PTBP3: variants seen among roughly 807,000 people sequenced by gnomAD.
The protein encoded by PTBP3 is polypyrimidine tract-binding protein 3.
PTBP3 carries 20 observed loss-of-function variants against 58.7 expected under a neutral mutation model. The observed-to-expected ratio is 0.34, with a 90% confidence interval of 0.24 to 0.50. PTBP3 has a LOEUF of 0.50. PTBP3 is among the 20% of genes least tolerant of loss of function. PTBP3 has a pLI of 0.98. For synonymous variants in PTBP3, 185 were observed against 219.8 expected (o/e 0.84, Z 1.40); for missense variants, 509 against 637.2 (o/e 0.80, Z 2.17).
At chr9:112,352,521 A>C in the PTBP3 span, among the ~76,000 whole-genome samples, 1 of 152,224 alleles carries the variant, frequency 6.6e-6, no homozygotes, top group Non-Finnish European at 1.5e-5. Context: ...AATGCAAGAT[A>C]CATCTTCTCT....
intron 1 of PTBP3, among the ~76,000 whole-genome samples, chr9:112,320,314 A>ATATATATATATTTTTTTTTT: frequency 1.3e-5 from 1 of 75,728 alleles, no homozygotes; most frequent in Non-Finnish European, 2.3e-5. Context: ...ATATATATAT[A>ATATATATATATTTTTTTTTT]TTTTTTTTTA....
chr9:112,290,699 TATATATATACAC>T lies in PTBP3; in HGVS notation c.34+7121_34+7132del, dbSNP rs1828368707. On this transcript the variant is annotated intron_variant, in intron 2 of 13. Transcript: ENST00000374257. ...AAAAAAAAAAAAAAATATATATATA[TATATATATACAC>T]ACACACACACACACACACACACACA... Among the ~76,000 whole-genome samples the T allele has an allele frequency of 4.6e-5, 3 of 64,600 alleles. No individual in the cohort carries two copies. The Admixed American group carries it at 5.0e-4, about 11-fold the overall frequency. The allele number at this position is 64,600 out of a possible 152,430, so 42.4% of individuals were successfully genotyped here. A position where few individuals can be genotyped will look rare whatever the true frequency, so the allele number is the denominator to read the frequency against.
Position 112,223,466 on chromosome 9 carries a change from G to C in PTBP3, c.*385C>G. 1.1e-6 allele frequency: 1 copy of C among 914,804 alleles called. No individual in the cohort carries two copies. Among genetic ancestry groups the C allele is most frequent in the South Asian group, 4.8e-5 (1 of 20,794 alleles). 56.7% of individuals were successfully genotyped at this position (914,804 alleles called of 1,614,324 possible). A position where few individuals can be genotyped will look rare whatever the true frequency, so the allele number is the denominator to read the frequency against. ...TTACATCAAGTAATTTTAGAAGTCTGTGTTTAAATTTTTTAAAAGTACAAA... is the reference window on the plus strand; with the variant it reads ...TTACATCAAGTAATTTTAGAAGTCTCTGTTTAAATTTTTTAAAAGTACAAA... On this transcript the variant is annotated 3_prime_UTR_variant, in exon 14 of 14. Coordinates refer to ENST00000374257, the MANE Select transcript of PTBP3 (RefSeq NM_001163788.4).
intron 1 of PTBP3, among the ~76,000 whole-genome samples, chr9:112,331,081 GAACA>G (rs1830349859): frequency 1.5e-5 from 1 of 67,830 alleles, no homozygotes; most frequent in African/African-American, 5.0e-5. Context: ...AGGAGGAAAC[GAACA>G]CACACACACA....
intron 2 of PTBP3, among the ~76,000 whole-genome samples, chr9:112,291,111 A>G (rs2132282913): frequency 1.3e-5 from 2 of 152,172 alleles, no homozygotes; most frequent in Middle Eastern, 3.4e-3. Flanking sequence ...AGTCCCAGCT[A>G]CTTGGGAGGC....
intron 9 of PTBP3, 98 bp downstream of exon 9, chr9:112,232,001 G>GA (rs1564391718): frequency 9.2e-6 from 4 of 433,642 alleles, no homozygotes; most frequent in South Asian, 4.8e-5. Context: ...GAAGAGAAGA[G>GA]AAGAGAAGAG....
rs777854332 is a variant in PTBP3, at chr9:112,234,914, G to C, written c.803-17C>G. ...CCGGTGCACCTAATGGGAAAGAGAA[G>C]CTAAAGTAAACACACTACCTTCTAT... On this transcript the variant is annotated splice_polypyrimidine_tract_variant and intron_variant, in intron 7 of 13. Coordinates refer to ENST00000374257, the MANE Select transcript of PTBP3 (RefSeq NM_001163788.4). 6.3e-7 allele frequency: 1 copy of C among 1,594,470 alleles called. No individual in the cohort carries two copies. The highest frequency in any genetic ancestry group is 8.6e-7 in the Non-Finnish European group (1 of 1,164,066).
chr9:112,244,486 T>C (rs1835799915), intron 7 of PTBP3, among the ~76,000 whole-genome samples: 1 of 151,216 alleles, frequency 6.6e-6, no homozygotes, highest in African/African-American at 2.4e-5. Context: ...CCAATCTAGG[T>C]AATACAGAGG....
At chr9:112,267,469 C>CT (rs1225798235) in intron 4 of PTBP3, among the ~76,000 whole-genome samples, 1 of 152,144 alleles carries the variant, frequency 6.6e-6, no homozygotes, top group African/African-American at 2.4e-5. Context: ...AATGTATTTA[C>CT]TTTGTGTATA....
At chr9:112,301,604 T>C (rs1403419103) in intron 1 of PTBP3, among the ~76,000 whole-genome samples, 2 of 152,090 alleles carry the variant, frequency 1.3e-5, no homozygotes, top group Non-Finnish European at 1.5e-5. Flanking sequence ...TAGAGATGGT[T>C]GGGTGGAGGT....
intron 2 of PTBP3, among the ~76,000 whole-genome samples, chr9:112,294,172 A>C (rs529311747): frequency 6.6e-6 from 1 of 152,332 alleles, no homozygotes; most frequent in Non-Finnish European, 1.5e-5. Context: ...ATAAAAACTA[A>C]GTAAAATAGA....
chr9:112,284,628 G>A (rs569921566), intron 2 of PTBP3, among the ~76,000 whole-genome samples: 11 of 152,186 alleles, frequency 7.2e-5, no homozygotes, highest in Middle Eastern at 3.2e-3. Flanking sequence ...CCTAGGAGGC[G>A]TAGGCTGCAG....
At chr9:112,373,017 TCCAA>T in the PTBP3 span, among the ~76,000 whole-genome samples, 1 of 112,278 alleles carries the variant, frequency 8.9e-6, no homozygotes, top group Non-Finnish European at 1.8e-5. Flanking sequence ...GCCTCAGCCT[TCCAA>T]GTAGCTGGGA....
intron 13 of PTBP3, 38 bp from the exon 14 acceptor site, chr9:112,224,021 T>A (rs1170360957): frequency 6.3e-7 from 1 of 1,594,812 alleles, no homozygotes; most frequent in Non-Finnish European, 8.6e-7. Flanking sequence ...GTATTTAGAA[T>A]GAATTTTGCT....
At chr9:112,329,480 T>A (rs1385701581) in intron 1 of PTBP3, among the ~76,000 whole-genome samples, 2 of 152,190 alleles carry the variant, frequency 1.3e-5, no homozygotes, top group East Asian at 3.8e-4. Context: ...CCTAGAAGAA[T>A]CATTATTATA....
intron 7 of PTBP3, among the ~76,000 whole-genome samples, chr9:112,236,188 G>C (rs1380866384): frequency 1.3e-5 from 2 of 151,840 alleles, no homozygotes. Context: ...ACTAATTATA[G>C]TAATTCAAGA....
chr9:112,308,229 G>T lies in PTBP3; in HGVS notation c.-51-10313C>A, dbSNP rs115852277. Among the ~76,000 whole-genome samples, 1,305 of 151,890 alleles carry T rather than the reference G, an allele frequency of 8.6e-3. 22 individuals carry two copies. The highest frequency in any genetic ancestry group is 0.03 in the African/African-American group (1,244 of 41,396). On this transcript the variant is annotated intron_variant, in intron 1 of 13. Transcript: ENST00000374257. ...TTTTGTAGGGATGTGGTCTCACTTC[G>T]TTGTCCAGGCTGGTCTCAAACTCCT...
chr9:112,247,999 A>G (rs1835955078), intron 7 of PTBP3, among the ~76,000 whole-genome samples: 1 of 152,224 alleles, frequency 6.6e-6, no homozygotes, highest in Non-Finnish European at 1.5e-5. Flanking sequence ...CATGATATTA[A>G]CAATAGGGCA....
intron 9 of PTBP3, among the ~76,000 whole-genome samples, 184 bp downstream of exon 9, chr9:112,231,915 A>T (rs1200404065): frequency 2.5e-5 from 1 of 40,774 alleles, no homozygotes; most frequent in East Asian, 5.6e-4. Context: ...AAAAGAAAAG[A>T]AGAGAAGAGA....
Sources: allele counts gnomAD v4.1 joint callset (sites outside exome capture counted in the v4.1 genomes callset), GRCh38; gene constraint gnomAD v4.1.1; transcripts MANE v1.5; gene names NCBI Gene and HGNC (gene_info 2026-07-23, HGNC 2026-07-21).